PCLO: variants seen among roughly 807,000 people sequenced by gnomAD.
PCLO encodes the protein piccolo presynaptic cytomatrix protein, also known as protein piccolo.
A neutral mutation model predicts 427.5 loss-of-function variants in PCLO; 82 were observed. That is an observed-to-expected ratio of 0.19 (90% CI 0.16 to 0.23). The LOEUF (loss-of-function observed/expected upper bound fraction) is 0.23, where lower values mean the gene tolerates loss of function less well. Among genes scored for constraint, PCLO ranks in the 10% least tolerant of loss-of-function variants. The pLI is 1.00. For missense variants in PCLO, 6,239 were observed against 6,115.9 expected (o/e 1.02, Z -0.67); for synonymous variants, 2,357 against 2,155.4 (o/e 1.09, Z -2.59).
At chr7:82,816,590 A>AGAAACCTTG (rs1158526486) in intron 20 of PCLO, among the ~76,000 whole-genome samples, 1 of 152,312 alleles carries the variant, frequency 6.6e-6, no homozygotes, top group East Asian at 1.9e-4. Flanking sequence ...ATAATATTTA[A>AGAAACCTTG]GAAACCTTGG....
At position 82,916,196 on chromosome 7, in the gene PCLO, A is replaced by G; in HGVS notation, c.11790T>C (p.Ala3930=). ...SPYQTQPTFQ[A]VATMSFTPQV... ...GAGGTGTGAAGGACATTGTTGCCACAGCTTGGAATGTTGGCTGAGTCTGAT... is the reference window on the plus strand; with the variant it reads ...GAGGTGTGAAGGACATTGTTGCCACGGCTTGGAATGTTGGCTGAGTCTGAT... Residue 3930 remains alanine, a synonymous_variant, in exon 7 of 25, where the codon GCT becomes GCC. Coordinates refer to ENST00000333891, the MANE Select transcript of PCLO (RefSeq NM_033026.6). The G allele has an allele frequency of 6.2e-7, 1 of 1,613,688 alleles. No homozygotes were observed. Among genetic ancestry groups the G allele is most frequent in the Non-Finnish European group, 8.5e-7 (1 of 1,179,740 alleles).
At chr7:83,144,395 T>C (rs1791941546) in intron 2 of PCLO, among the ~76,000 whole-genome samples, 1 of 152,068 alleles carries the variant, frequency 6.6e-6, no homozygotes, top group African/African-American at 2.4e-5. Flanking sequence ...CACTCCAGCC[T>C]GCACAACGAG....
At chr7:82,958,768 A>T (rs2115599443) in intron 4 of PCLO, among the ~76,000 whole-genome samples, 1 of 152,286 alleles carries the variant, frequency 6.6e-6, no homozygotes, top group East Asian at 1.9e-4. Flanking sequence ...CTCATACTGA[A>T]GTGGCAAGCA....
Position 82,841,639 on chromosome 7 carries a change from GGCT to G in PCLO, c.14047-133_14047-131del, listed in dbSNP as rs1792369671. On this transcript the variant is annotated intron_variant, in intron 13 of 24. Transcript: ENST00000333891. The stretch of plus-strand genomic sequence containing the variant: ...CTTGGAAAATATATTTTATCCATTT[GGCT>G]GCTTCAGAATAATGGTGTCTACTTA... 4.8e-6 allele frequency: 3 copies of G among 629,676 alleles called. No homozygotes were observed. The Admixed American group carries it at 8.7e-5, about 18-fold the overall frequency. 39.0% of individuals were successfully genotyped at this position (629,676 alleles called of 1,614,324 possible). A position where few individuals can be genotyped will look rare whatever the true frequency, so the allele number is the denominator to read the frequency against.
At chr7:83,071,011 A>AT (rs71522643) in intron 3 of PCLO, among the ~76,000 whole-genome samples, 228 of 147,972 alleles carry the variant, frequency 1.5e-3, no homozygotes, top group South Asian at 5.3e-3. Context: ...TTCTTTTTCT[A>AT]TTTTTTTTTT....
At chr7:83,000,994 T>A (rs78037411) in intron 3 of PCLO, among the ~76,000 whole-genome samples, 5,381 of 152,108 alleles carry the variant, frequency 0.035, 320 homozygotes, top group African/African-American at 0.12. Context: ...CAAACATTTT[T>A]AAATTAAAGT....
At chr7:83,108,232 A>G (rs1790916866) in intron 3 of PCLO, among the ~76,000 whole-genome samples, 1 of 152,024 alleles carries the variant, frequency 6.6e-6, no homozygotes, top group Non-Finnish European at 1.5e-5. Context: ...TGAGGCAAGT[A>G]ATGTGTTTTC....
intron 8 of PCLO, among the ~76,000 whole-genome samples, chr7:82,904,381 C>T (rs190590060): frequency 5.1e-4 from 78 of 151,770 alleles, no homozygotes; most frequent in African/African-American, 1.6e-3. Context: ...CTTCTTCTTC[C>T]CCTCTTTTCT....
intron 20 of PCLO, among the ~76,000 whole-genome samples, chr7:82,820,110 G>C (rs978116683): frequency 1.3e-5 from 2 of 152,070 alleles, no homozygotes; most frequent in Non-Finnish European, 2.9e-5. Context: ...TGAGTTGAAG[G>C]TTGGCCACTT....
At chr7:82,983,414 CAAT>C (rs1236862695) in intron 3 of PCLO, among the ~76,000 whole-genome samples, 1 of 150,754 alleles carries the variant, frequency 6.6e-6, no homozygotes, top group Non-Finnish European at 1.5e-5. Flanking sequence ...TCATAATAAA[CAAT>C]ATTATAGCTA....
intron 6 of PCLO, among the ~76,000 whole-genome samples, chr7:82,931,376 A>G (rs1299721530): frequency 1.3e-5 from 2 of 152,180 alleles, no homozygotes; most frequent in African/African-American, 4.8e-5. Context: ...GCTAAGGTAT[A>G]ACAAATCACC....
intron 20 of PCLO, among the ~76,000 whole-genome samples, chr7:82,811,441 T>C (rs1791568210): frequency 1.3e-5 from 2 of 151,556 alleles, no homozygotes; most frequent in Non-Finnish European, 3.0e-5. Context: ...TTGATATTTT[T>C]ACTAAAGGGA....
At chr7:83,090,719 T>C (rs1434436248) in intron 3 of PCLO, among the ~76,000 whole-genome samples, 1 of 152,152 alleles carries the variant, frequency 6.6e-6, no homozygotes, top group Non-Finnish European at 1.5e-5. Context: ...TTTTTAAGAC[T>C]AAAATATTCT....
At chr7:83,117,127 T>C (rs537321747) in intron 3 of PCLO, among the ~76,000 whole-genome samples, 1 of 152,296 alleles carries the variant, frequency 6.6e-6, no homozygotes, top group South Asian at 2.1e-4. Context: ...GAAAAGGGTA[T>C]TTTTATTTAG....
intron 3 of PCLO, among the ~76,000 whole-genome samples, chr7:82,979,156 A>G (rs1279543185): frequency 6.6e-6 from 1 of 152,140 alleles, no homozygotes; most frequent in East Asian, 1.9e-4. Context: ...GTAACTGTTT[A>G]TAGACTTCAG....
intron 3 of PCLO, among the ~76,000 whole-genome samples, chr7:83,067,923 C>A (rs1037603494): frequency 6.8e-5 from 1 of 14,756 alleles, no homozygotes; most frequent in African/African-American, 1.1e-3. Context: ...ACTTTCTGTG[C>A]ATATCTGAAA....
chr7:82,918,463 A>T (rs1249381629), intron 6 of PCLO, among the ~76,000 whole-genome samples: 1 of 152,014 alleles, frequency 6.6e-6, no homozygotes, highest in Non-Finnish European at 1.5e-5. Flanking sequence ...TTTCACTTGT[A>T]AAAAAGTACA....
chr7:82,982,734 T>C (rs1796174068), intron 3 of PCLO, among the ~76,000 whole-genome samples: 1 of 152,034 alleles, frequency 6.6e-6, no homozygotes, highest in Admixed American at 6.6e-5. Flanking sequence ...TAATACTGTC[T>C]AATATATGCG....
chr7:83,146,025 G>A (rs1791985965), intron 2 of PCLO, among the ~76,000 whole-genome samples: 1 of 152,106 alleles, frequency 6.6e-6, no homozygotes, highest in East Asian at 1.9e-4. Flanking sequence ...TCTTTAAAAT[G>A]TAGATACCAC....
Sources: allele counts gnomAD v4.1 joint callset (sites outside exome capture counted in the v4.1 genomes callset), GRCh38; gene constraint gnomAD v4.1.1; transcripts MANE v1.5; gene names NCBI Gene and HGNC (gene_info 2026-07-23, HGNC 2026-07-21).